MTMR8: variants seen among roughly 807,000 people sequenced by gnomAD.
The protein encoded by MTMR8 is myotubularin related protein 8, also known as phosphatidylinositol-3,5-bisphosphate 3-phosphatase MTMR8.
In MTMR8, 65 loss-of-function variants were observed where a neutral mutation model predicts 39.3. That is an observed-to-expected ratio of 1.65 (90% CI 1.35 to 2.03). MTMR8 has a LOEUF of 2.03. Ranked by LOEUF, MTMR8 falls within the 30% of genes most tolerant of loss-of-function variation. MTMR8 has a pLI of 0.00. For synonymous variants in MTMR8, 245 were observed against 185.2 expected (o/e 1.32, Z -2.62); for missense variants, 777 against 538.9 (o/e 1.44, Z -4.37).
intron 1 of MTMR8, among the ~76,000 whole-genome samples, chrX:64,365,440 A>T (rs1923921093): frequency 1.8e-5 from 2 of 111,919 alleles, no homozygotes; most frequent in Admixed American, 1.9e-4. Flanking sequence ...GCCAGAAGAG[A>T]GTAGGGGGCA....
chrX:64,368,881 A>G (rs1473410682), intron 1 of MTMR8, among the ~76,000 whole-genome samples: 1 of 112,567 alleles, frequency 8.9e-6, no homozygotes, highest in Non-Finnish European at 1.9e-5. Context: ...GCTAATATCC[A>G]GAATCTACAA....
chrX:64,297,433 T>C (rs1183312456), intron 12 of MTMR8, among the ~76,000 whole-genome samples: 1 of 95,659 alleles, frequency 1.0e-5, no homozygotes, highest in Non-Finnish European at 2.1e-5. Context: ...GGGTTGTTTG[T>C]TTTTTTCTTG....
chrX:64,318,663 C>A (rs1248461886), intron 12 of MTMR8, among the ~76,000 whole-genome samples: 1 of 108,665 alleles, frequency 9.2e-6, no homozygotes, highest in Non-Finnish European at 1.9e-5. Flanking sequence ...TATGTTGACT[C>A]CATCTTCCCC....
intron 1 of MTMR8, among the ~76,000 whole-genome samples, chrX:64,377,270 C>A (rs1445624103): frequency 1.8e-5 from 2 of 111,956 alleles, no homozygotes; most frequent in East Asian, 5.6e-4. Flanking sequence ...AGAGGGCCAC[C>A]ATCCTCCAGA....
chrX:64,287,802 T>C (rs1287801973), intron 12 of MTMR8, among the ~76,000 whole-genome samples: 1 of 105,825 alleles, frequency 9.4e-6, no homozygotes, highest in African/African-American at 3.4e-5. Flanking sequence ...TTACATCTTA[T>C]ACAAAAATTA....
chrX:64,354,687 T>C, intron 4 of MTMR8, 90 bp downstream of exon 4: 1 of 911,092 alleles, frequency 1.1e-6, no homozygotes, highest in Non-Finnish European at 1.5e-6. Context: ...AGATTATGAG[T>C]CATTTCTCTC....
At chrX:64,304,520 C>A (rs1425214681) in intron 12 of MTMR8, among the ~76,000 whole-genome samples, 3 of 111,081 alleles carry the variant, frequency 2.7e-5, no homozygotes, top group Non-Finnish European at 5.7e-5. Flanking sequence ...AAGGCCTAGG[C>A]TCATTTTCCT....
At position 64,320,159 on chromosome X, in the gene MTMR8, T is replaced by A. The variant is rs142228523; in HGVS notation, c.1481+8613A>T. On this transcript the variant is annotated intron_variant, in intron 12 of 13. Coordinates refer to ENST00000374852, the MANE Select transcript of MTMR8 (RefSeq NM_017677.4). The stretch of plus-strand genomic sequence containing the variant: ...GGATTCCTAGGTATTTTATTCTCTT[T>A]GAAGCAACTGTGAATGAGAGTTCAT... Among the ~76,000 whole-genome samples the A allele has an allele frequency of 9.7e-3, 1,078 of 111,632 alleles. 18 individuals are homozygous for A. Among genetic ancestry groups the A allele is most frequent in the African/African-American group, 0.032 (968 of 30,665 alleles).
intron 12 of MTMR8, among the ~76,000 whole-genome samples, chrX:64,310,031 C>A (rs1922247366): frequency 9.0e-6 from 1 of 110,875 alleles, no homozygotes; most frequent in Non-Finnish European, 1.9e-5. Flanking sequence ...AAGTGTGCCA[C>A]ATCGATGTAC....
chrX:64,378,190 T>C (rs752286117), intron 1 of MTMR8, among the ~76,000 whole-genome samples: 36 of 111,880 alleles, frequency 3.2e-4, no homozygotes, highest in Non-Finnish European at 5.4e-4. Flanking sequence ...ACTAAATCTA[T>C]AGTATTTTTG....
At position 64,269,724 on chromosome X, in the gene MTMR8, T is replaced by C. The variant is rs766667876; in HGVS notation, c.1609-681A>G. Among the ~76,000 whole-genome samples the C allele has an allele frequency of 1.4e-3, 159 of 111,172 alleles. 1 individual carries two copies. The highest frequency in any genetic ancestry group is 5.0e-3 in the African/African-American group (154 of 30,572). ...TTCTGAAGGTGGTGGGGGGAGTCTT[T>C]TAAACTTTTCATTTTTTACCTTGTT... is the stretch of plus-strand genomic sequence containing the variant. On this transcript the variant is annotated intron_variant, in intron 13 of 13. Transcript: ENST00000374852.
intron 1 of MTMR8, among the ~76,000 whole-genome samples, chrX:64,381,859 G>A (rs1363949626): frequency 9.0e-6 from 1 of 111,728 alleles, no homozygotes; most frequent in African/African-American, 3.3e-5. Flanking sequence ...ATTAAATAGG[G>A]AATTGTTTCC....
chrX:64,281,184 A>G (rs1163613806), intron 12 of MTMR8, among the ~76,000 whole-genome samples: 7 of 111,893 alleles, frequency 6.3e-5, no homozygotes, highest in African/African-American at 1.9e-4. Flanking sequence ...TTTACATAGA[A>G]TTAGAAATAA....
intron 12 of MTMR8, among the ~76,000 whole-genome samples, chrX:64,280,261 G>A (rs1386027728): frequency 2.7e-5 from 3 of 111,521 alleles, no homozygotes; most frequent in Non-Finnish European, 5.7e-5. Context: ...AAAACTTCAG[G>A]CCAATATCCC....
At chrX:64,290,995 T>C (rs1349556643) in intron 12 of MTMR8, among the ~76,000 whole-genome samples, 1 of 112,094 alleles carries the variant, frequency 8.9e-6, no homozygotes, top group Non-Finnish European at 1.9e-5. Flanking sequence ...ATTTGTACAA[T>C]TGTTGGGGCA....
rs375656658 is a variant in MTMR8, at chrX:64,331,661, G to T, written c.1248C>A (p.Ala416=). The T allele has an allele frequency of 6.6e-6, 8 of 1,208,744 alleles. No individual in the cohort carries two copies. The highest frequency in any genetic ancestry group is 6.7e-6 in the Non-Finnish European group (6 of 894,390). ...IWQLMEQFPC[A]FEFNENFLLE... is the part of the protein sequence containing the mutation. ...GCAGGAAGTTTTCATTAAACTCAAA[G>T]GCACAGGGAAACTGTTCCATTAATT... Residue 416 remains alanine (A), a synonymous_variant, in exon 11 of 14, where the codon GCC becomes GCA. Coordinates refer to ENST00000374852, the MANE Select transcript of MTMR8 (RefSeq NM_017677.4).
chrX:64,282,133 C>A (rs1294664068), intron 12 of MTMR8, among the ~76,000 whole-genome samples: 1 of 111,322 alleles, frequency 9.0e-6, no homozygotes, highest in Non-Finnish European at 1.9e-5. Flanking sequence ...GAATGTAAAT[C>A]AGTTCAACCA....
At chrX:64,322,857 C>T (rs1000990944) in intron 12 of MTMR8, among the ~76,000 whole-genome samples, 1 of 112,677 alleles carries the variant, frequency 8.9e-6, no homozygotes, top group African/African-American at 3.2e-5. Flanking sequence ...CTCTCAGAGC[C>T]TAAGTCCACT....
intron 1 of MTMR8, among the ~76,000 whole-genome samples, chrX:64,392,353 T>G (rs1458063963): frequency 8.9e-6 from 1 of 112,529 alleles, no homozygotes; most frequent in Non-Finnish European, 1.9e-5. Context: ...CAAAACATAA[T>G]ATAGCAATGA....
Sources: gnomAD v4.1 joint callset for allele counts (sites outside exome capture counted in the v4.1 genomes callset) on GRCh38, gnomAD v4.1.1 for gene constraint, MANE v1.5 for transcripts, NCBI Gene and HGNC (gene_info 2026-07-23, HGNC 2026-07-21) for gene names.